Variants in STAG1 observed in about 807,000 individuals in gnomAD.
The protein encoded by STAG1 is STAG1 cohesin complex component.
STAG1 carries 26 observed loss-of-function variants against 170.9 expected under a neutral mutation model. The ratio of observed to expected loss-of-function variants is 0.15; its 90% CI spans 0.11 to 0.21. STAG1 has a LOEUF of 0.21. Among genes scored for constraint, STAG1 ranks in the 10% least tolerant of loss-of-function variants. The pLI is 1.00. For missense variants in STAG1, 964 were observed against 1,509.5 expected, an observed-to-expected ratio of 0.64 and a Z score of 5.99; for synonymous variants, 514 against 497.7, an observed-to-expected ratio of 1.03 and a Z score of -0.44.
At chr3:136,719,192 CAAGA>C (rs765057872) in intron 1 of STAG1, among the ~76,000 whole-genome samples, 24 of 152,152 alleles carry the variant, frequency 1.6e-4, no homozygotes, top group Non-Finnish European at 2.9e-4. Flanking sequence ...CTTCAAAATA[CAAGA>C]AAGTATTGAA....
chr3:136,663,815 C>G (rs1332601296), intron 1 of STAG1, among the ~76,000 whole-genome samples: 1 of 151,796 alleles, frequency 6.6e-6, no homozygotes, highest in Non-Finnish European at 1.5e-5. Context: ...AAAAAAACTC[C>G]ACTCTCAGAT....
At chr3:136,612,271 G>A (rs534601598) in intron 3 of STAG1, among the ~76,000 whole-genome samples, 27 of 152,040 alleles carry the variant, frequency 1.8e-4, no homozygotes, top group Non-Finnish European at 3.8e-4. Context: ...CAACATGTAG[G>A]CCTTTTAGAC....
At chr3:136,447,462 G>C (rs2088815986) in intron 14 of STAG1, among the ~76,000 whole-genome samples, 1 of 151,386 alleles carries the variant, frequency 6.6e-6, no homozygotes, top group Non-Finnish European at 1.5e-5. Flanking sequence ...ACCGAGATTT[G>C]GTCTCCAAAA....
Position 136,737,307 on chromosome 3 carries a change from T to C in STAG1, c.-84+14888A>G, listed in dbSNP as rs113985164. The stretch of plus-strand genomic sequence containing the variant: ...TTAGTAGAGATGGGGTTTCACTATG[T>C]TGGCCAGGCTGGTCTCCAACTCCTG... On this transcript the variant is annotated intron_variant, in intron 1 of 33. Coordinates refer to ENST00000383202, the MANE Select transcript of STAG1 (RefSeq NM_005862.3). The C allele has an allele frequency of 1.1e-4, 44 of 412,416 alleles. 1 individual carries two copies. Among genetic ancestry groups the C allele is most frequent in the African/African-American group, 7.2e-4 (35 of 48,518 alleles). The allele number at this position is 412,416 out of a possible 1,614,324, so 25.5% of individuals were successfully genotyped here.
At chr3:136,561,161 CAAA>C (rs572791649) in intron 5 of STAG1, among the ~76,000 whole-genome samples, 1 of 152,046 alleles carries the variant, frequency 6.6e-6, no homozygotes, top group Non-Finnish European at 1.5e-5. Context: ...CTTTGTAATA[CAAA>C]AAAATTTCCC....
chr3:136,548,573 G>T (rs186631538), intron 5 of STAG1, among the ~76,000 whole-genome samples: 311 of 152,236 alleles, frequency 2.0e-3, no homozygotes, highest in African/African-American at 6.7e-3. Flanking sequence ...AATCCCATTG[G>T]AATTTTGATA....
chr3:136,405,505 G>A (rs536960279), intron 21 of STAG1, among the ~76,000 whole-genome samples: 78 of 151,740 alleles, frequency 5.1e-4, no homozygotes, highest in Non-Finnish European at 3.5e-4. Context: ...ACCTCTCAAA[G>A]TGCTGGGATT....
intron 3 of STAG1, among the ~76,000 whole-genome samples, chr3:136,604,843 T>C (rs532625810): frequency 6.6e-6 from 1 of 152,112 alleles, no homozygotes; most frequent in Admixed American, 6.6e-5. Context: ...AGAGACGGAG[T>C]TTCACCATGT....
intron 21 of STAG1, among the ~76,000 whole-genome samples, chr3:136,402,182 A>G (rs540824547): frequency 6.6e-6 from 1 of 152,112 alleles, no homozygotes; most frequent in Admixed American, 6.6e-5. Flanking sequence ...TGCAGGAACT[A>G]GTTGAGAGTT....
At chr3:136,705,257 T>C (rs1028556211) in intron 1 of STAG1, among the ~76,000 whole-genome samples, 5 of 152,030 alleles carry the variant, frequency 3.3e-5, no homozygotes, top group Admixed American at 6.6e-5. Flanking sequence ...GCGCCTATAA[T>C]CCCAGCTATA....
At chr3:136,585,593 AAAT>A (rs562758896) in intron 4 of STAG1, among the ~76,000 whole-genome samples, 49 of 150,772 alleles carry the variant, frequency 3.2e-4, no homozygotes, top group South Asian at 2.3e-3. Context: ...TGAGACTCAA[AAAT>A]AATAATAATA....
intron 6 of STAG1, among the ~76,000 whole-genome samples, chr3:136,529,119 CAAAAAT>C (rs1265321703): frequency 6.6e-6 from 1 of 151,918 alleles, no homozygotes; most frequent in Non-Finnish European, 1.5e-5. Context: ...TTCAGCCAGA[CAAAAAT>C]AAAGAAAAAT....
rs143848342 is a variant in STAG1, at chr3:136,748,120, G to A, written c.-84+4075C>T. 2.0e-3 allele frequency among the ~76,000 whole-genome samples: 298 copies of A among 150,140 alleles called. 8 individuals are homozygous for A. The East Asian group carries it at 0.05, about 25-fold the overall frequency. ...AAAATAAAAATAACTGGCCGGGCAC[G>A]GTGGCTCATGCCTGTAATCCCAGCA... is the stretch of plus-strand genomic sequence containing the variant. On this transcript the variant is annotated intron_variant, in intron 1 of 33. Transcript: ENST00000383202.
intron 4 of STAG1, among the ~76,000 whole-genome samples, chr3:136,572,991 C>T (rs1049551498): frequency 6.6e-6 from 1 of 152,058 alleles, no homozygotes; most frequent in Non-Finnish European, 1.5e-5. Context: ...GCCTAGGCAA[C>T]ACAGTGATAC....
chr3:136,533,133 A>C (rs994060240), intron 6 of STAG1, among the ~76,000 whole-genome samples: 6 of 152,208 alleles, frequency 3.9e-5, no homozygotes, highest in Non-Finnish European at 8.8e-5. Context: ...AGCTGTAAAA[A>C]AATCAAGATG....
intron 5 of STAG1, among the ~76,000 whole-genome samples, chr3:136,543,883 C>T (rs1240435131): frequency 1.3e-5 from 2 of 152,138 alleles, no homozygotes; most frequent in East Asian, 3.9e-4. Flanking sequence ...GACTCTCCTA[C>T]TTTGGGCATT....
At chr3:136,439,224 A>G (rs1398420451) in intron 15 of STAG1, among the ~76,000 whole-genome samples, 1 of 151,538 alleles carries the variant, frequency 6.6e-6, no homozygotes, top group African/African-American at 2.4e-5. Context: ...CCCATAAAAA[A>G]AAAAATAAAG....
Position 136,595,616 on chromosome 3 carries a change from G to A in STAG1, c.297+8693C>T, listed in dbSNP as rs181698461. Reference sequence around the variant, plus strand: ...GGCATGAATCCGGGAGGTGGAGCTTGTAGTGAGCCGAGACCGCACCACTGC... The same window carrying A: ...GGCATGAATCCGGGAGGTGGAGCTTATAGTGAGCCGAGACCGCACCACTGC... On this transcript the variant is annotated intron_variant, in intron 4 of 33. Coordinates refer to ENST00000383202, the MANE Select transcript of STAG1 (RefSeq NM_005862.3). Among the ~76,000 whole-genome samples the A allele has an allele frequency of 9.2e-5, 14 of 151,876 alleles. No individual in the cohort carries two copies. The East Asian group carries it at 2.7e-3, about 29-fold the overall frequency.
At chr3:136,448,486 C>T (rs146647770) in intron 14 of STAG1, among the ~76,000 whole-genome samples, 5 of 152,324 alleles carry the variant, frequency 3.3e-5, no homozygotes, top group East Asian at 1.9e-4. Flanking sequence ...CATCAGATCT[C>T]GTGAGACTTA....
Sources: allele counts gnomAD v4.1 joint callset (sites outside exome capture counted in the v4.1 genomes callset), GRCh38; gene constraint gnomAD v4.1.1; transcripts MANE v1.5; gene names NCBI Gene and HGNC (gene_info 2026-07-23, HGNC 2026-07-21).